Variants in DENND1B observed in about 807,000 individuals in gnomAD.
DENND1B encodes DENN domain-containing protein 1B.
Under a neutral mutation model 90.1 loss-of-function variants are expected in DENND1B, and 59 were observed. The observed-to-expected ratio is 0.65, with a 90% CI of 0.53 to 0.81. The LOEUF (loss-of-function observed/expected upper bound fraction) is 0.81. DENND1B is among the 40% of genes least tolerant of loss of function. The pLI is 0.00. For missense variants in DENND1B, 862 were observed against 912.6 expected, an observed-to-expected ratio of 0.94 and a Z score of 0.71; for synonymous variants, 337 against 324.6, an observed-to-expected ratio of 1.04 and a Z score of -0.41.
At chr1:197,707,226 G>T (rs1482134559) in intron 3 of DENND1B, among the ~76,000 whole-genome samples, 1 of 152,124 alleles carries the variant, frequency 6.6e-6, no homozygotes, top group East Asian at 1.9e-4. Context: ...CATAGAAGTA[G>T]AGTAGAATAG....
At chr1:197,681,933 A>G (rs1356713264) in intron 3 of DENND1B, among the ~76,000 whole-genome samples, 1 of 152,158 alleles carries the variant, frequency 6.6e-6, no homozygotes, top group Non-Finnish European at 1.5e-5. Flanking sequence ...TTTCAGAGCA[A>G]TAAATTATAA....
At chr1:197,512,841 C>T in intron 21 of DENND1B, 30 bp downstream of exon 21, 1 of 1,604,066 alleles carries the variant, frequency 6.2e-7, no homozygotes, top group Non-Finnish European at 8.5e-7. Flanking sequence ...AGCCATTCCA[C>T]TTAATAGGAC....
chr1:197,548,777 T>TTAGCTAATTA (rs1295105124), intron 16 of DENND1B, among the ~76,000 whole-genome samples: 1 of 152,158 alleles, frequency 6.6e-6, no homozygotes, highest in African/African-American at 2.4e-5. Flanking sequence ...GGAAAGGGGC[T>TTAGCTAATTA]GCTCAAGGCT....
chr1:197,580,765 T>C (rs909174732), intron 15 of DENND1B, among the ~76,000 whole-genome samples: 16 of 152,146 alleles, frequency 1.1e-4, no homozygotes, highest in Non-Finnish European at 2.2e-4. Flanking sequence ...CACCTTTATT[T>C]CTAGTTTACC....
intron 2 of DENND1B, among the ~76,000 whole-genome samples, chr1:197,762,931 C>A (rs1422184867): frequency 6.6e-6 from 1 of 151,892 alleles, no homozygotes; most frequent in East Asian, 1.9e-4. Context: ...TGTATACACA[C>A]CACATTTTCT....
chr1:197,760,288 TTCTC>T (rs1012435435), intron 2 of DENND1B, among the ~76,000 whole-genome samples: 3 of 152,320 alleles, frequency 2.0e-5, no homozygotes, highest in Middle Eastern at 3.4e-3. Flanking sequence ...TCTCCTCTCT[TTCTC>T]TCCATATCCA....
At chr1:197,650,010 A>C (rs1652939483) in intron 7 of DENND1B, among the ~76,000 whole-genome samples, 1 of 152,294 alleles carries the variant, frequency 6.6e-6, no homozygotes, top group South Asian at 2.1e-4. Context: ...CAAATCAGTA[A>C]AAATAAACAA....
At chr1:197,623,734 A>G (rs1351205501) in intron 10 of DENND1B, among the ~76,000 whole-genome samples, 2 of 151,546 alleles carry the variant, frequency 1.3e-5, no homozygotes, top group Non-Finnish European at 3.0e-5. Flanking sequence ...CAATGAACCT[A>G]TATTGATACA....
intron 13 of DENND1B, among the ~76,000 whole-genome samples, chr1:197,599,235 T>C (rs1352261738): frequency 6.6e-6 from 1 of 151,840 alleles, no homozygotes; most frequent in African/African-American, 2.4e-5. Flanking sequence ...AGGCAGAGCA[T>C]AAAAGGGGGT....
At chr1:197,780,358 G>A (rs563824051), upstream of DENND1B, among the ~76,000 whole-genome samples, 139 of 145,540 alleles carry the variant, frequency 9.6e-4, no homozygotes, top group African/African-American at 3.4e-3. Context: ...ATGGAGTCTC[G>A]CTCTGTCGCC....
chr1:197,655,622 C>T (rs1451903291), intron 6 of DENND1B, among the ~76,000 whole-genome samples: 1 of 151,946 alleles, frequency 6.6e-6, no homozygotes, highest in Non-Finnish European at 1.5e-5. Flanking sequence ...AGCTCCGCCT[C>T]CCGGGTTCAT....
chr1:197,630,451 C>G lies in DENND1B; in HGVS notation c.672+12260G>C, dbSNP rs76078872. Among the ~76,000 whole-genome samples, 876 of 152,166 alleles carry G rather than the reference C, an allele frequency of 5.8e-3. 11 individuals carry two copies. Among genetic ancestry groups the G allele is most frequent in the African/African-American group, 0.019 (791 of 41,524 alleles). On this transcript the variant is annotated intron_variant, in intron 10 of 22. Coordinates refer to ENST00000620048, the MANE Select transcript of DENND1B (RefSeq NM_001195215.2). ...GTCACTAATTGCATTTATGAGGGCT[C>G]ATGATTTCATTACTTCCTAAATGCC... is the stretch of plus-strand genomic sequence containing the variant.
At chr1:197,656,571 A>T (rs994448175) in intron 6 of DENND1B, among the ~76,000 whole-genome samples, 1 of 152,174 alleles carries the variant, frequency 6.6e-6, no homozygotes, top group Non-Finnish European at 1.5e-5. Flanking sequence ...AAGCAGAGGC[A>T]GGAAGATCCC....
Position 197,617,677 on chromosome 1 carries a change from T to C in DENND1B, c.755A>G (p.His252Arg). Residue 252 changes from histidine to arginine, a missense_variant, in exon 11 of 23, where the codon CAC (histidine) becomes CGC (arginine). By Grantham distance (29) the His-to-Arg change is conservative (BLOSUM62 0). Transcript: ENST00000620048. ...QHIYIPVLPP[H>R]LLDYCCAPMP... ...AGCTTACCAGCAGTAGTCCAGCAGG[T>C]GTGGAGGAAGCACTGGGATGTATAT... 3 of 1,607,238 alleles carry C rather than the reference T, an allele frequency of 1.9e-6. No individual in the cohort carries two copies. The highest frequency in any genetic ancestry group is 2.2e-5 in the South Asian group (2 of 90,870).
intron 2 of DENND1B, among the ~76,000 whole-genome samples, chr1:197,718,232 G>A (rs1056047417): frequency 1.3e-5 from 2 of 151,884 alleles, no homozygotes; most frequent in African/African-American, 4.8e-5. Context: ...TCTATGCAGT[G>A]CTAAAGAAAG....
At chr1:197,647,713 C>A (rs1056749503) in intron 7 of DENND1B, among the ~76,000 whole-genome samples, 2 of 152,082 alleles carry the variant, frequency 1.3e-5, no homozygotes, top group African/African-American at 2.4e-5. Flanking sequence ...CTTTGGGAGG[C>A]CAAGGCGGGC....
At chr1:197,656,273 G>A (rs1004513933) in intron 6 of DENND1B, among the ~76,000 whole-genome samples, 4 of 151,176 alleles carry the variant, frequency 2.6e-5, no homozygotes, top group African/African-American at 7.3e-5. Context: ...GACAAAAAAG[G>A]CCCAAAAGAG....
At chr1:197,612,046 T>C in intron 11 of DENND1B, 70 bp from the exon 12 acceptor site, 1 of 1,224,614 alleles carries the variant, frequency 8.2e-7, no homozygotes, top group African/African-American at 1.5e-5. Flanking sequence ...TATAAGTAAT[T>C]CAAAATGATT....
intron 2 of DENND1B, among the ~76,000 whole-genome samples, chr1:197,720,056 T>C (rs1433350615): frequency 6.6e-6 from 1 of 152,218 alleles, no homozygotes; most frequent in Non-Finnish European, 1.5e-5. Flanking sequence ...TCCTTGTCTC[T>C]TTCTCCCTCA....
Sources: gnomAD v4.1 joint callset for allele counts (sites outside exome capture counted in the v4.1 genomes callset) on GRCh38, gnomAD v4.1.1 for gene constraint, MANE v1.5 for transcripts, NCBI Gene and HGNC (gene_info 2026-07-23, HGNC 2026-07-21) for gene names.